ESRRG: variants seen among roughly 807,000 people sequenced by gnomAD.
The protein encoded by ESRRG is estrogen-related receptor gamma.
Under a neutral mutation model 44.0 loss-of-function variants are expected in ESRRG, and 13 were observed. The ratio of observed to expected loss-of-function variants is 0.30; its 90% CI spans 0.19 to 0.47. The LOEUF is 0.47. Ranked by LOEUF, ESRRG falls within the 20% of genes least tolerant of loss-of-function variation. The probability of loss-of-function intolerance (pLI) is 1.00; values close to 1 mark genes in which losing one functional copy is unlikely to be tolerated. For synonymous variants in ESRRG, 215 were observed against 214.6 expected (o/e 1.00, Z -0.02); for missense variants, 395 against 580.6 (o/e 0.68, Z 3.29).
intron 2 of ESRRG, among the ~76,000 whole-genome samples, chr1:216,911,629 T>C (rs2060309083): frequency 6.6e-6 from 1 of 152,112 alleles, no homozygotes; most frequent in Non-Finnish European, 1.5e-5. Flanking sequence ...GGTTCATCAA[T>C]CGTAACAAAT....
intron 2 of ESRRG, chr1:216,862,810 C>T (rs1185259059): frequency 6.6e-6 from 1 of 151,972 alleles, no homozygotes; most frequent in Non-Finnish European, 1.5e-5. Flanking sequence ...GTGAGATCCC[C>T]GTTTATTACG....
At chr1:216,651,720 C>T (rs1456998694) in intron 2 of ESRRG, among the ~76,000 whole-genome samples, 1 of 151,960 alleles carries the variant, frequency 6.6e-6, no homozygotes, top group African/African-American at 2.4e-5. Context: ...CATTATCATC[C>T]TCATCATGAT....
At position 216,871,435 on chromosome 1, in the gene ESRRG, A is replaced by G. The variant is rs115664685; in HGVS notation, c.-14+68147T>C. On this transcript the variant is annotated intron_variant, in intron 2 of 7. Transcript: ENST00000359162. ...AATGTTCCATGCTCCCTTGAAAAGCATGTGTATTTTCCTGTTACTGGGTGG... is the reference window on the plus strand; with the variant it reads ...AATGTTCCATGCTCCCTTGAAAAGCGTGTGTATTTTCCTGTTACTGGGTGG... Among the ~76,000 whole-genome samples the G allele has an allele frequency of 5.0e-3, 768 of 152,150 alleles. 7 individuals are homozygous for G. Among genetic ancestry groups the G allele is most frequent in the African/African-American group, 0.018 (753 of 41,566 alleles).
chr1:217,001,405 C>T (rs1444225717), intron 1 of ESRRG, among the ~76,000 whole-genome samples: 3 of 152,174 alleles, frequency 2.0e-5, no homozygotes, highest in South Asian at 2.1e-4. Flanking sequence ...AAAAAGCAGC[C>T]GCAGCTTTTC....
At chr1:217,058,957 A>C (rs2087758125) in intron 1 of ESRRG, among the ~76,000 whole-genome samples, 1 of 148,470 alleles carries the variant, frequency 6.7e-6, no homozygotes, top group South Asian at 2.1e-4. Context: ...CTATAAGTAA[A>C]ATATAAAACT....
chr1:216,806,085 T>G (rs1934164828), intron 2 of ESRRG, among the ~76,000 whole-genome samples: 1 of 152,222 alleles, frequency 6.6e-6, no homozygotes, highest in Admixed American at 6.5e-5. Flanking sequence ...TCCAGCCTCC[T>G]GCAAGGCTGC....
intron 1 of ESRRG, among the ~76,000 whole-genome samples, chr1:216,967,194 C>T (rs6698256): frequency 0.34 from 52,103 of 152,016 alleles, 10,646 homozygotes; most frequent in Non-Finnish European, 0.47. Context: ...TGATATTCCC[C>T]ACCAGAGGGG....
intron 2 of ESRRG, among the ~76,000 whole-genome samples, chr1:216,838,638 T>C (rs529388914): frequency 6.6e-6 from 1 of 152,222 alleles, no homozygotes; most frequent in East Asian, 1.9e-4. Flanking sequence ...AAAATAATTG[T>C]CAAGTAGTTA....
At chr1:217,069,338 T>C (rs763190961) in intron 1 of ESRRG, among the ~76,000 whole-genome samples, 1 of 152,056 alleles carries the variant, frequency 6.6e-6, no homozygotes, top group Non-Finnish European at 1.5e-5. Context: ...TTGCGGGACC[T>C]TGTGATCATG....
chr1:216,836,352 G>A (rs971017704), intron 2 of ESRRG, among the ~76,000 whole-genome samples: 2 of 152,162 alleles, frequency 1.3e-5, no homozygotes, highest in Non-Finnish European at 2.9e-5. Flanking sequence ...AAAACTTCAG[G>A]ACAGGAAGAA....
intron 2 of ESRRG, among the ~76,000 whole-genome samples, chr1:216,671,201 A>G (rs1358463265): frequency 6.6e-6 from 1 of 152,220 alleles, no homozygotes; most frequent in African/African-American, 2.4e-5. Flanking sequence ...GCAAGTTCCA[A>G]AATTCAGGCT....
At chr1:216,562,264 A>G (rs1359857463) in intron 5 of ESRRG, among the ~76,000 whole-genome samples, 3 of 152,188 alleles carry the variant, frequency 2.0e-5, no homozygotes, top group African/African-American at 7.2e-5. Flanking sequence ...GTTGTTAATA[A>G]CAATATTATC....
At chr1:216,561,520 C>G (rs1380037224) in intron 5 of ESRRG, among the ~76,000 whole-genome samples, 1 of 152,008 alleles carries the variant, frequency 6.6e-6, no homozygotes, top group Non-Finnish European at 1.5e-5. Flanking sequence ...TCACTTTTAT[C>G]GAGGCAGAAA....
intron 5 of ESRRG, among the ~76,000 whole-genome samples, chr1:216,552,222 G>A (rs1349798400): frequency 6.6e-6 from 1 of 151,890 alleles, no homozygotes; most frequent in Non-Finnish European, 1.5e-5. Context: ...TATATAAAAT[G>A]TGATATAATA....
At chr1:216,625,624 A>T (rs937641778) in intron 3 of ESRRG, among the ~76,000 whole-genome samples, 4 of 152,042 alleles carry the variant, frequency 2.6e-5, no homozygotes, top group African/African-American at 9.7e-5. Context: ...AGACTGCTCA[A>T]CTCCAAATTC....
intron 1 of ESRRG, among the ~76,000 whole-genome samples, chr1:216,709,571 A>C (rs915852366): frequency 1.3e-5 from 2 of 152,050 alleles, no homozygotes; most frequent in African/African-American, 4.8e-5. Context: ...CAAACAAAAT[A>C]TTCACAAAGT....
rs552108629 is a variant in ESRRG, at chr1:216,738,855, A to G, written c.-13-61364T>C. Among the ~76,000 whole-genome samples the G allele has an allele frequency of 4.6e-5, 7 of 152,270 alleles. No homozygotes were observed. In the East Asian group the frequency reaches 1.4e-3, roughly 29 times the overall value. ...AATTTTATTTGTTATTTATTTACTT[A>G]TGAGACAGGGTCTCACTCTGTCACC... On this transcript the variant is annotated intron_variant, in intron 2 of 7. Transcript: ENST00000359162.
At chr1:216,541,860 C>T (rs975407954) in intron 5 of ESRRG, among the ~76,000 whole-genome samples, 5 of 151,862 alleles carry the variant, frequency 3.3e-5, no homozygotes, top group Non-Finnish European at 7.4e-5. Context: ...TCGTGACTCA[C>T]ACCAAACCTT....
At chr1:217,072,972 G>A (rs754744628) in intron 1 of ESRRG, among the ~76,000 whole-genome samples, 2 of 151,816 alleles carry the variant, frequency 1.3e-5, no homozygotes, top group Non-Finnish European at 2.9e-5. Flanking sequence ...TATCTCCCAA[G>A]GGCATGTTCT....
Sources: allele counts gnomAD v4.1 joint callset (sites outside exome capture counted in the v4.1 genomes callset), GRCh38; gene constraint gnomAD v4.1.1; transcripts MANE v1.5; gene names NCBI Gene and HGNC (gene_info 2026-07-23, HGNC 2026-07-21).